The following CHRNB4 variants were observed in gnomAD, a reference collection of about 807,000 sequenced individuals.
The protein encoded by CHRNB4 is cholinergic receptor nicotinic beta 4 subunit.
CHRNB4 carries 23 observed loss-of-function variants against 40.4 expected under a neutral mutation model. That is an observed-to-expected ratio of 0.57 (90% CI 0.41 to 0.81). The LOEUF is 0.81. Among genes scored for constraint, CHRNB4 ranks in the 30% least tolerant of loss-of-function variants. The probability of loss-of-function intolerance (pLI) is 0.00; values close to 1 mark genes in which losing one functional copy is unlikely to be tolerated. For synonymous variants in CHRNB4, 285 were observed against 274.4 expected, an observed-to-expected ratio of 1.04 and a Z score of -0.38; for missense variants, 568 against 670.6, an observed-to-expected ratio of 0.85 and a Z score of 1.69.
chr15:78,658,255 T>C (rs2054229935), intron 2 of CHRNB4: 1 of 152,176 alleles, frequency 6.6e-6, no homozygotes, highest in African/African-American at 2.4e-5. Flanking sequence ...GGTCTTGAAC[T>C]CCTGACCTCA....
chr15:78,644,843 G>A (rs1450877802), upstream of CHRNB4, among the ~76,000 whole-genome samples: 1 of 152,176 alleles, frequency 6.6e-6, no homozygotes, highest in Non-Finnish European at 1.5e-5. Context: ...AGAACAGTGT[G>A]CAGACACCGC....
At chr15:78,640,853 G>A (rs1475843266) in intron 1 of CHRNB4, among the ~76,000 whole-genome samples, 2 of 152,152 alleles carry the variant, frequency 1.3e-5, no homozygotes, top group East Asian at 1.9e-4. Flanking sequence ...CAGCGGCTCC[G>A]AGAAGAGGCG....
rs748528140 is a variant in CHRNB4, at chr15:78,629,392, G to C, written c.913C>G (p.Leu305Val). 1.2e-6 allele frequency: 2 copies of C among 1,614,160 alleles called. No homozygotes were observed. Among genetic ancestry groups the C allele is most frequent in the Admixed American group, 3.3e-5 (2 of 60,032 alleles). ...CTGGTGACGATGGAGAAGGTGACCA[G>C]CACCATGGTGAACATGAGGTACTTG... Reference protein sequence around the residue: ...IGKYLMFTMVLVTFSIVTSVC... With the variant: ...IGKYLMFTMVVVTFSIVTSVC... The change falls in exon 5 of 6, where the codon CTG becomes GTG. Residue 305 changes from leucine (L) to valine (V), a missense_variant. Leu to Val is a conservative substitution (Grantham distance 32). Coordinates refer to ENST00000261751, the MANE Select transcript of CHRNB4 (RefSeq NM_000750.5). This position sits in a 1 kb window ranked among gnomAD's most constrained non-coding sequence, Gnocchi z 6.8.
chr15:78,648,619 T>C (rs2054146408), intron 7 of CHRNB4, among the ~76,000 whole-genome samples: 1 of 151,344 alleles, frequency 6.6e-6, no homozygotes, highest in Non-Finnish European at 1.5e-5. Context: ...CCAGGTGTGG[T>C]GGCAGATGCC....
chr15:78,631,859 C>G (rs2053819673), intron 2 of CHRNB4, among the ~76,000 whole-genome samples: 1 of 152,110 alleles, frequency 6.6e-6, no homozygotes, highest in Non-Finnish European at 1.5e-5. Context: ...AAGTAAAAGC[C>G]AAAGTTCTGC....
chr15:78,624,847 C>T lies in CHRNB4; in HGVS notation c.*286G>A, dbSNP rs945417822. The stretch of plus-strand genomic sequence containing the variant: ...GCCTGAAGCATAGTAGGTGCTGCTA[C>T]GAAGTCATCTTTATCCCCATTGCCC... On this transcript the variant is annotated 3_prime_UTR_variant, in exon 6 of 6. Coordinates refer to ENST00000261751, the MANE Select transcript of CHRNB4 (RefSeq NM_000750.5). 2.9e-5 allele frequency: 29 copies of T among 991,464 alleles called. No homozygotes were observed. Among genetic ancestry groups the T allele is most frequent in the Non-Finnish European group, 3.4e-5 (24 of 700,888 alleles). 61.4% of individuals were successfully genotyped at this position (991,464 alleles called of 1,614,324 possible). A position where few individuals can be genotyped will look rare whatever the true frequency, so the allele number is the denominator to read the frequency against.
chr15:78,647,861 CAAAAAAAAAAAAA>C, intron 7 of CHRNB4, among the ~76,000 whole-genome samples: 1 of 39,124 alleles, frequency 2.6e-5, no homozygotes, highest in South Asian at 1.6e-3. Context: ...GACTCCATCT[CAAAAAAAAAAAAA>C]AAAAAAAAAA....
chr15:78,629,163 T>C lies in CHRNB4; in HGVS notation c.1142A>G (p.Asn381Ser), dbSNP rs746356400. 1.9e-6 allele frequency: 3 copies of C among 1,613,320 alleles called. No homozygotes were observed. Among genetic ancestry groups the C allele is most frequent in the Non-Finnish European group, 2.5e-6 (3 of 1,179,800 alleles). Residue 381 changes from asparagine (N) to serine (S), a missense_variant, in exon 5 of 6, where the codon AAC becomes AGC. By Grantham distance (46) the Asn-to-Ser change is conservative. Around this residue, in one of 4 missense-constraint regions of CHRNB4, gnomAD observed 242 missense variants for 274.9 expected, o/e 0.88. Transcript: ENST00000261751. The surrounding 1 kb of genome is among the most constrained non-coding windows in gnomAD (Gnocchi z 6.8). ...EATATSTSPS[N>S]FYGNSMYFVN... ...AAAGTACATGGAGTTCCCATAGAAG[T>C]TGGAGGGGCTGGTGGAGGTGGCGGT...
At chr15:78,652,074 C>G (rs992312423) in intron 6 of CHRNB4, among the ~76,000 whole-genome samples, 2 of 152,232 alleles carry the variant, frequency 1.3e-5, no homozygotes, top group African/African-American at 4.8e-5. Flanking sequence ...TTTGGTGAAG[C>G]TGGAGTTTGA....
intron 1 of CHRNB4, among the ~76,000 whole-genome samples, chr15:78,639,623 T>G (rs1462384040): frequency 6.6e-6 from 1 of 152,176 alleles, no homozygotes; most frequent in Non-Finnish European, 1.5e-5. Flanking sequence ...TGTAGAGAAT[T>G]TATCTTTTAT....
chr15:78,627,774 T>A (rs1399416535), intron 5 of CHRNB4: 1 of 152,252 alleles, frequency 6.6e-6, no homozygotes, highest in Non-Finnish European at 1.5e-5. Flanking sequence ...ACATTGTCCT[T>A]AGAAGTGTTA....
chr15:78,638,853 T>G (rs1473874668), intron 1 of CHRNB4, among the ~76,000 whole-genome samples: 1 of 152,194 alleles, frequency 6.6e-6, no homozygotes, highest in Admixed American at 6.5e-5. Flanking sequence ...TGGAAGCTTC[T>G]GCAGCACGGT....
chr15:78,625,164 G>A lies in CHRNB4; in HGVS notation c.1466C>T (p.Ser489Phe), dbSNP rs546297787. The A allele has an allele frequency of 4.3e-5, 70 of 1,613,974 alleles. No homozygotes were observed. The South Asian group carries it at 7.6e-4, about 17-fold the overall frequency. ...LPPLFQTHAA[S>F]EGPYAAQRD The stretch of plus-strand genomic sequence containing the variant: ...ACGCTGGGCAGCGTAGGGCCCCTCA[G>A]AAGCTGCATGGGTCTGGAAGAGGGG... The change falls in exon 6 of 6, where the codon TCT (serine) becomes TTT (phenylalanine). Residue 489 changes from serine to phenylalanine, a missense_variant. Around this residue, in one of 4 missense-constraint regions of CHRNB4, gnomAD observed 242 missense variants for 274.9 expected, o/e 0.88. Transcript: ENST00000261751.
intron 6 of CHRNB4, among the ~76,000 whole-genome samples, chr15:78,650,506 C>G (rs777648259): frequency 6.6e-6 from 1 of 152,196 alleles, no homozygotes; most frequent in Non-Finnish European, 1.5e-5. Context: ...TCTTCACATT[C>G]CTGGCTTTTC....
upstream of CHRNB4, chr15:78,661,582 C>T (rs143527274): frequency 0.023 from 12,146 of 520,162 alleles, 216 homozygotes; most frequent in Middle Eastern, 0.031. Flanking sequence ...TTTTTTGGTC[C>T]TTGTTGGGGC....
chr15:78,642,398 G>A (rs541846530), upstream of CHRNB4, among the ~76,000 whole-genome samples: 14 of 152,326 alleles, frequency 9.2e-5, no homozygotes, highest in South Asian at 2.7e-3. Flanking sequence ...GAAAAGAAAT[G>A]CAAAGTGGTT....
upstream of CHRNB4, chr15:78,661,590 G>T: frequency 3.9e-6 from 2 of 515,858 alleles, no homozygotes; most frequent in Non-Finnish European, 3.8e-6. Flanking sequence ...TCCTTGTTGG[G>T]GCGGATGTCA....
rs750345896 is a variant in CHRNB4, at chr15:78,629,909, G to C, written c.396C>G (p.Asn132Lys). 5.0e-6 allele frequency: 8 copies of C among 1,608,632 alleles called. No homozygotes were observed. ...DGTYEVSVYTNLIVRSNGSVL... is the reference protein window; with the variant it reads ...DGTYEVSVYTKLIVRSNGSVL... ...CGCTGCCGTTGGACCGGACTATCAA[G>C]TTGGTGTAGACAGACACCTCATAGG... is the stretch of plus-strand genomic sequence containing the variant. The change falls in exon 5 of 6, where the codon AAC becomes AAG. Residue 132 changes from asparagine (N) to lysine (K), a missense_variant. By Grantham distance (94) the Asn-to-Lys change is moderately conservative. This residue lies in a region of CHRNB4 where 127 missense variants were observed against 167.4 expected (regional missense o/e 0.76). Transcript: ENST00000261751. This position sits in a 1 kb window ranked among gnomAD's most constrained non-coding sequence, Gnocchi z 6.8.
chr15:78,625,295 C>T lies in CHRNB4; in HGVS notation c.1339-4G>A. 1 of 1,530,782 alleles carries T rather than the reference C, an allele frequency of 6.5e-7. No homozygotes were observed. Among genetic ancestry groups the T allele is most frequent in the Non-Finnish European group, 8.8e-7 (1 of 1,141,090 alleles). 94.8% of individuals were successfully genotyped at this position (1,530,782 alleles called of 1,614,324 possible). A position where few individuals can be genotyped will look rare whatever the true frequency, so the allele number is the denominator to read the frequency against. On this transcript the variant is annotated splice_region_variant and splice_polypyrimidine_tract_variant and intron_variant, in intron 5 of 5. Transcript: ENST00000261751. ...CGTACTTCCAGTCCTCAACGACCTG[C>T]AGGCAGACAGAGGAGTTGGTCACAG...
Sources: allele counts gnomAD v4.1 joint callset (sites outside exome capture counted in the v4.1 genomes callset), GRCh38; gene constraint gnomAD v4.1.1; regional missense constraint gnomAD v4.1.1; non-coding constraint Gnocchi (gnomAD v3.1); transcripts MANE v1.5; gene names NCBI Gene and HGNC (gene_info 2026-07-23, HGNC 2026-07-21).